SLC22A3: variants seen among roughly 807,000 people sequenced by gnomAD.
SLC22A3 encodes solute carrier family 22 member 3, also known as EMT organic cation transporter 3.
Under a neutral mutation model 59.1 loss-of-function variants are expected in SLC22A3, and 51 were observed. The ratio of observed to expected loss-of-function variants is 0.86; its 90% CI spans 0.69 to 1.09. SLC22A3 has a LOEUF of 1.09. Ranked by LOEUF, SLC22A3 falls within the 50% of genes least tolerant of loss-of-function variation. The probability of loss-of-function intolerance (pLI) is 0.00; values close to 1 mark genes in which losing one functional copy is unlikely to be tolerated. For synonymous variants in SLC22A3, 325 were observed against 292.0 expected, an observed-to-expected ratio of 1.11 and a Z score of -1.15; for missense variants, 711 against 726.3, an observed-to-expected ratio of 0.98 and a Z score of 0.24.
intron 1 of SLC22A3, among the ~76,000 whole-genome samples, chr6:160,373,804 C>T (rs1026007600): frequency 1.2e-4 from 18 of 152,154 alleles, no homozygotes; most frequent in Admixed American, 2.0e-4. Flanking sequence ...TTTGTTTACA[C>T]GGTGAGGGGG....
chr6:160,390,457 C>A (rs932393046), intron 1 of SLC22A3, among the ~76,000 whole-genome samples: 15 of 152,164 alleles, frequency 9.9e-5, no homozygotes, highest in African/African-American at 2.9e-4. Flanking sequence ...TGTGCTCCAT[C>A]TTTTACTGGT....
At chr6:160,397,048 G>A (rs1346426383) in intron 1 of SLC22A3, among the ~76,000 whole-genome samples, 1 of 152,134 alleles carries the variant, frequency 6.6e-6, no homozygotes, top group Non-Finnish European at 1.5e-5. Flanking sequence ...ACACCTGATA[G>A]CATATAATAT....
At chr6:160,443,585 A>C (rs771812404) in intron 8 of SLC22A3, 45 bp from the exon 9 acceptor site, 1 of 1,247,814 alleles carries the variant, frequency 8.0e-7, no homozygotes, top group Admixed American at 1.7e-5. Context: ...TCTTGAAGTC[A>C]CTTGTTGAAA....
In SLC22A3 at chr6:160,348,745, G is replaced by A; in HGVS notation, c.326G>A (p.Ser109Asn). 1 of 1,537,368 alleles carries A rather than the reference G, an allele frequency of 6.5e-7. No individual in the cohort carries two copies. Among genetic ancestry groups the A allele is most frequent in the Non-Finnish European group, 8.7e-7 (1 of 1,147,818 alleles). Residue 109 changes from serine to asparagine, a missense_variant, in exon 1 of 11, where the codon AGC (serine) becomes AAC (asparagine). By Grantham distance (46) the Ser-to-Asn change is conservative. Coordinates refer to ENST00000275300, the MANE Select transcript of SLC22A3 (RefSeq NM_021977.4). The stretch of plus-strand genomic sequence containing the variant: ...AGCGCCTCCGCCACTAGCGCTCTCA[G>A]CTGCGCGGACCCACTCGCCGCCTTC... ...NDSASATSAL[S>N]CADPLAAFPN...
At chr6:160,377,357 C>T (rs1044552679) in intron 1 of SLC22A3, among the ~76,000 whole-genome samples, 2 of 151,898 alleles carry the variant, frequency 1.3e-5, no homozygotes, top group African/African-American at 4.8e-5. Flanking sequence ...TGGTGATATG[C>T]ACCTATAGTC....
At chr6:160,390,497 A>G (rs569978475) in intron 1 of SLC22A3, among the ~76,000 whole-genome samples, 51 of 152,128 alleles carry the variant, frequency 3.4e-4, no homozygotes, top group Middle Eastern at 3.4e-3. Flanking sequence ...CAGTCCCATC[A>G]TGGCTAGGTT....
At chr6:160,378,998 C>T (rs1000439573) in intron 1 of SLC22A3, among the ~76,000 whole-genome samples, 3 of 152,278 alleles carry the variant, frequency 2.0e-5, no homozygotes, top group East Asian at 1.9e-4. Context: ...AGTCGAAAAT[C>T]GCCAAGTTGA....
rs757101529 is a variant in SLC22A3, at chr6:160,348,558, G to A, written c.139G>A (p.Asp47Asn). Residue 47 changes from aspartate to asparagine, a missense_variant, in exon 1 of 11, where the codon GAC (aspartate) becomes AAC (asparagine). By Grantham distance (23) the Asp-to-Asn change is conservative. Coordinates refer to ENST00000275300, the MANE Select transcript of SLC22A3 (RefSeq NM_021977.4). Reference sequence around the variant, plus strand: ...CGTGGTCTTCCTGGGCACGCAGCCCGACCACTACTGGTGCCGCGGGCCAAG... The same window carrying A: ...CGTGGTCTTCCTGGGCACGCAGCCCAACCACTACTGGTGCCGCGGGCCAAG... ...VGVVFLGTQP[D>N]HYWCRGPSAA... 7.2e-5 allele frequency: 111 copies of A among 1,547,944 alleles called. No individual in the cohort carries two copies. The highest frequency in any genetic ancestry group is 1.6e-5 in the Non-Finnish European group (18 of 1,156,920).
chr6:160,384,996 C>T (rs76427317), intron 1 of SLC22A3, among the ~76,000 whole-genome samples: 2 of 152,232 alleles, frequency 1.3e-5, no homozygotes, highest in Admixed American at 6.5e-5. Flanking sequence ...TGCTCACTCT[C>T]CTCTGGCTGC....
chr6:160,437,732 G>C (rs1788398502), intron 7 of SLC22A3, among the ~76,000 whole-genome samples: 1 of 152,238 alleles, frequency 6.6e-6, no homozygotes, highest in Non-Finnish European at 1.5e-5. Context: ...TAAAAAAATA[G>C]ATTGGGGAGG....
At chr6:160,435,957 T>A (rs73782579) in intron 5 of SLC22A3, among the ~76,000 whole-genome samples, 230 of 152,152 alleles carry the variant, frequency 1.5e-3, no homozygotes, top group African/African-American at 5.2e-3. Flanking sequence ...GTTGTACAGG[T>A]GCTAGGATAG....
At chr6:160,384,154 T>G (rs1785904857) in intron 1 of SLC22A3, among the ~76,000 whole-genome samples, 1 of 152,116 alleles carries the variant, frequency 6.6e-6, no homozygotes, top group African/African-American at 2.4e-5. Context: ...GATCTCAAAC[T>G]CCTGACCCTG....
intron 5 of SLC22A3, among the ~76,000 whole-genome samples, chr6:160,417,328 T>TGC (rs1787539649): frequency 6.6e-6 from 1 of 152,170 alleles, no homozygotes; most frequent in East Asian, 1.9e-4. Flanking sequence ...GAAGGAGAGC[T>TGC]ACAGCCTGGA....
intron 10 of SLC22A3, among the ~76,000 whole-genome samples, chr6:160,449,798 C>A (rs1313565910): frequency 6.6e-6 from 1 of 152,078 alleles, no homozygotes; most frequent in East Asian, 1.9e-4. Flanking sequence ...TACAGCTGGG[C>A]CGCTGGGGGT....
chr6:160,436,362 C>T (rs536017966), intron 5 of SLC22A3, among the ~76,000 whole-genome samples: 9 of 152,188 alleles, frequency 5.9e-5, no homozygotes, highest in African/African-American at 2.2e-4. Context: ...CAAAATAATA[C>T]CTTTGGTGCT....
chr6:160,384,651 AG>A (rs1272439776), intron 1 of SLC22A3, among the ~76,000 whole-genome samples: 2 of 152,094 alleles, frequency 1.3e-5, no homozygotes, highest in Non-Finnish European at 2.9e-5. Flanking sequence ...TCCTCCAGGC[AG>A]CCCCAGGGGT....
chr6:160,435,373 A>C (rs1252796607), intron 5 of SLC22A3, among the ~76,000 whole-genome samples: 1 of 152,234 alleles, frequency 6.6e-6, no homozygotes, highest in Non-Finnish European at 1.5e-5. Flanking sequence ...TTACCAGCTC[A>C]GTTGTAGGAC....
At chr6:160,354,293 G>T (rs549092573) in intron 1 of SLC22A3, among the ~76,000 whole-genome samples, 1 of 152,240 alleles carries the variant, frequency 6.6e-6, no homozygotes, top group South Asian at 2.1e-4. Context: ...CTGAGCCTCA[G>T]TTTCCTCAGC....
intron 1 of SLC22A3, among the ~76,000 whole-genome samples, chr6:160,356,103 C>A (rs1162587380): frequency 6.6e-6 from 1 of 152,218 alleles, no homozygotes; most frequent in South Asian, 2.1e-4. Flanking sequence ...GCTAGGCCAA[C>A]CCTGGAATTG....
Sources: gnomAD v4.1 joint callset for allele counts (sites outside exome capture counted in the v4.1 genomes callset) on GRCh38, gnomAD v4.1.1 for gene constraint, MANE v1.5 for transcripts, NCBI Gene and HGNC (gene_info 2026-07-23, HGNC 2026-07-21) for gene names.